The following PLOD2 variants were observed in gnomAD, a reference collection of about 807,000 sequenced individuals.
PLOD2 encodes procollagen-lysine,2-oxoglutarate 5-dioxygenase 2, also known as lysine hydroxylase 2.
Under a neutral mutation model 101.0 loss-of-function variants are expected in PLOD2, and 65 were observed. That is an observed-to-expected ratio of 0.64 (90% confidence interval 0.53 to 0.79). PLOD2 has a LOEUF of 0.79. Ranked by LOEUF, PLOD2 falls within the 30% of genes least tolerant of loss-of-function variation. The pLI is 0.00. For missense variants in PLOD2, 909 were observed against 914.6 expected (o/e 0.99, Z 0.08); for synonymous variants, 314 against 302.9 (o/e 1.04, Z -0.38).
rs1259933512 is a variant in PLOD2 at position 146,070,864 on chromosome 3, A to G, written c.2130T>C (p.Gly710=). ...NNVGEDFQGG[G]CKFLRYNCSI... ...AGCAATTGTACCTTAGAAATTTGCA[A>G]CCACCTCCCTAAAAAAGTTAAAATG... Residue 710 remains glycine (G), a synonymous_variant, in exon 20 of 20, where the codon GGT becomes GGC. Coordinates refer to ENST00000282903, the MANE Select transcript of PLOD2 (RefSeq NM_182943.3). 6.2e-7 allele frequency: 1 copy of G among 1,608,380 alleles called. No homozygotes were observed. The highest frequency in any genetic ancestry group is 1.3e-5 in the African/African-American group (1 of 74,686).
chr3:146,145,584 C>A (rs1232776932), intron 1 of PLOD2, among the ~76,000 whole-genome samples: 2 of 151,828 alleles, frequency 1.3e-5, no homozygotes, highest in Admixed American at 6.6e-5. Context: ...AAAGAAACTA[C>A]AAAAGTAAAA....
At chr3:146,117,111 T>G (rs1031123203) in intron 3 of PLOD2, among the ~76,000 whole-genome samples, 4 of 152,166 alleles carry the variant, frequency 2.6e-5, no homozygotes, top group Non-Finnish European at 4.4e-5. Flanking sequence ...TTACAAATGT[T>G]TATGGCATGT....
intron 3 of PLOD2, among the ~76,000 whole-genome samples, chr3:146,117,690 A>T (rs1238804724): frequency 1.3e-5 from 2 of 152,088 alleles, no homozygotes; most frequent in Non-Finnish European, 2.9e-5. Context: ...TTCTCACAGG[A>T]GATGTCAGAA....
chr3:146,097,179 G>A lies in PLOD2; in HGVS notation c.778-5278C>T, dbSNP rs1177536651. Among the ~76,000 whole-genome samples the A allele has an allele frequency of 4.0e-5, 6 of 151,212 alleles. No individual in the cohort carries two copies. In the East Asian group the frequency reaches 1.2e-3, roughly 30 times the overall value. On this transcript the variant is annotated intron_variant, in intron 7 of 19. Transcript: ENST00000282903. ...CCGCCCAGTCCGGGAGGGAGGTGGG[G>A]GGTCAGCCCCCCGCCCGGCCAGCCG...
At chr3:146,083,900 G>C (rs1038041045) in intron 11 of PLOD2, among the ~76,000 whole-genome samples, 1 of 151,396 alleles carries the variant, frequency 6.6e-6, no homozygotes, top group South Asian at 2.1e-4. Flanking sequence ...TTTTCTTTTA[G>C]AAGATTTAAA....
intron 8 of PLOD2, among the ~76,000 whole-genome samples, chr3:146,091,286 T>C (rs1426990502): frequency 6.6e-6 from 1 of 151,846 alleles, no homozygotes; most frequent in Non-Finnish European, 1.5e-5. Flanking sequence ...TTACTTACAT[T>C]TATGCACCTC....
In PLOD2 at chr3:146,101,486, G is replaced by A. The variant is rs995509085; in HGVS notation, c.777+1269C>T. Among the ~76,000 whole-genome samples the A allele has an allele frequency of 9.2e-5, 14 of 152,268 alleles. No homozygotes were observed. In the East Asian group the frequency reaches 1.2e-3, roughly 13 times the overall value. The stretch of plus-strand genomic sequence containing the variant: ...AAGGAGCATTCAAGTAGGACCAAAC[G>A]AAATCAATGAATTGTCAGATGCTGT... On this transcript the variant is annotated intron_variant, in intron 7 of 19. Transcript: ENST00000282903.
intron 15 of PLOD2, chr3:146,076,159 C>T (rs1179126606): frequency 6.6e-6 from 1 of 151,708 alleles, no homozygotes; most frequent in Non-Finnish European, 1.5e-5. Flanking sequence ...TTCACAAGTA[C>T]CCAATGTTTA....
chr3:146,110,062 A>G (rs1029580476), intron 4 of PLOD2, among the ~76,000 whole-genome samples: 5 of 152,146 alleles, frequency 3.3e-5, no homozygotes, highest in Admixed American at 6.6e-5. Flanking sequence ...TTTGAAAAAC[A>G]TGAGTTTCCT....
intron 1 of PLOD2, among the ~76,000 whole-genome samples, chr3:146,139,558 T>C (rs914499586): frequency 6.6e-6 from 1 of 152,166 alleles, no homozygotes; most frequent in African/African-American, 2.4e-5. Context: ...AGGGTTTTAT[T>C]ATGATGCAGG....
At chr3:146,160,056 G>C (rs938434107) in intron 1 of PLOD2, among the ~76,000 whole-genome samples, 1 of 152,136 alleles carries the variant, frequency 6.6e-6, no homozygotes, top group African/African-American at 2.4e-5. Context: ...AAACAAAAAG[G>C]ACATTAGAAG....
At chr3:146,078,244 G>A (rs1200046207) in intron 13 of PLOD2, among the ~76,000 whole-genome samples, 1 of 151,788 alleles carries the variant, frequency 6.6e-6, no homozygotes, top group Non-Finnish European at 1.5e-5. Flanking sequence ...ATGCGCTGTT[G>A]AGTCAAATTA....
At position 146,072,664 on chromosome 3, in the gene PLOD2, G is replaced by A. The variant is rs1936188134; in HGVS notation, c.1745C>T (p.Pro582Leu). 2 of 1,584,040 alleles carry A rather than the reference G, an allele frequency of 1.3e-6. No homozygotes were observed. Among genetic ancestry groups the A allele is most frequent in the Non-Finnish European group, 1.7e-6 (2 of 1,153,944 alleles). Residue 582 changes from proline to leucine, a missense_variant and splice_region_variant, in exon 17 of 20, where the codon CCC becomes CTC. By Grantham distance (98) the Pro-to-Leu change is moderately conservative. Transcript: ENST00000282903. ...KIFTENIVEQ[P>L]CPDVFWFPIF... ...GGGGAACCAAAAGACATCTGGACAG[G>A]GCTATAAAATATGCATCATCGTTAG...
chr3:146,150,395 T>TA (rs72172825), intron 1 of PLOD2, among the ~76,000 whole-genome samples: 35 of 149,420 alleles, frequency 2.3e-4, no homozygotes, highest in Admixed American at 3.3e-4. Flanking sequence ...ACGTAGCCAT[T>TA]AAAAAAAAAA....
chr3:146,146,195 T>C (rs894419709), intron 1 of PLOD2, among the ~76,000 whole-genome samples: 1 of 152,178 alleles, frequency 6.6e-6, no homozygotes, highest in African/African-American at 2.4e-5. Flanking sequence ...CTTGGGTCCC[T>C]ATTGTCAAAA....
intron 15 of PLOD2, chr3:146,073,784 T>G (rs1239869887): frequency 6.6e-6 from 1 of 151,258 alleles, no homozygotes; most frequent in East Asian, 1.9e-4. Flanking sequence ...ATACACAGAG[T>G]AGGTAAATAA....
intron 4 of PLOD2, 58 bp downstream of exon 4, chr3:146,110,227 G>A: frequency 7.1e-7 from 1 of 1,414,476 alleles, no homozygotes; most frequent in Non-Finnish European, 1.0e-6. Context: ...CTACAAAAAT[G>A]GTTGTTTCAT....
intron 1 of PLOD2, among the ~76,000 whole-genome samples, chr3:146,133,040 G>A (rs2031011629): frequency 6.6e-6 from 1 of 152,100 alleles, no homozygotes; most frequent in African/African-American, 2.4e-5. Flanking sequence ...GCCGGGTGTG[G>A]TGGCTGGCAC....
At chr3:146,156,432 A>G (rs57945878) in intron 1 of PLOD2, among the ~76,000 whole-genome samples, 49,072 of 152,256 alleles carry the variant, frequency 0.32, 8,202 homozygotes, top group South Asian at 0.42. Flanking sequence ...ATAAGTAAAC[A>G]AATGAATGTG....
Sources: allele counts gnomAD v4.1 joint callset (sites outside exome capture counted in the v4.1 genomes callset), GRCh38; gene constraint gnomAD v4.1.1; transcripts MANE v1.5; gene names NCBI Gene and HGNC (gene_info 2026-07-23, HGNC 2026-07-21).